SRSF11: variants seen among roughly 807,000 people sequenced by gnomAD.
The protein encoded by SRSF11 is serine and arginine rich splicing factor 11, also known as serine/arginine-rich splicing factor 11.
SRSF11 carries 9 observed loss-of-function variants against 56.0 expected under a neutral mutation model. The observed-to-expected ratio is 0.16, with a 90% CI of 0.10 to 0.28. The LOEUF is 0.28. Ranked by LOEUF, SRSF11 falls within the 10% of genes least tolerant of loss-of-function variation. The probability of loss-of-function intolerance (pLI) is 1.00; values close to 1 mark genes in which losing one functional copy is unlikely to be tolerated. For missense variants in SRSF11, 421 were observed against 600.7 expected (o/e 0.70, Z 3.13); for synonymous variants, 222 against 215.3 (o/e 1.03, Z -0.27).
rs758041838 is a variant in SRSF11 at position 70,250,778 on chromosome 1, T to C, written c.1428T>C (p.His476=). 3 of 1,613,992 alleles carry C rather than the reference T, an allele frequency of 1.9e-6. No individual in the cohort carries two copies. The highest frequency in any genetic ancestry group is 2.5e-6 in the Non-Finnish European group (3 of 1,179,934). Residue 476 remains histidine (H), a synonymous_variant, in exon 12 of 12, where the codon CAT becomes CAC. Coordinates refer to ENST00000370949, the MANE Select transcript of SRSF11 (RefSeq NM_001350605.2). ...CCAAAGTGAATGGGGATGATCATCA[T>C]GAAGAAGACATGGATATGAGTGACT... The part of the protein sequence containing the change: ...RESKVNGDDH[H]EEDMDMSD
intron 1 of SRSF11, among the ~76,000 whole-genome samples, chr1:70,227,695 T>TA (rs957092518): frequency 1.6e-4 from 25 of 152,360 alleles, no homozygotes; most frequent in South Asian, 1.0e-3. Flanking sequence ...CTGTCTTACT[T>TA]ACACTGCCAT....
chr1:70,207,143 C>T (rs1221122212), intron 1 of SRSF11, among the ~76,000 whole-genome samples: 2 of 151,930 alleles, frequency 1.3e-5, no homozygotes, highest in African/African-American at 4.8e-5. Flanking sequence ...CCGCCCAGTT[C>T]GGCCTCCCAA....
chr1:70,210,183 GT>G (rs1460686806), intron 1 of SRSF11, among the ~76,000 whole-genome samples: 1 of 151,062 alleles, frequency 6.6e-6, no homozygotes, highest in African/African-American at 2.4e-5. Context: ...CCAAGACAGA[GT>G]TTCCCTTTCT....
chr1:70,231,423 G>C (rs1187780149), intron 2 of SRSF11: 1 of 1,056,140 alleles, frequency 9.5e-7, no homozygotes, highest in Non-Finnish European at 1.1e-6. Flanking sequence ...TGAATACACA[G>C]ATTAGGCTTT....
At chr1:70,223,206 T>G (rs1428713586) in intron 1 of SRSF11, among the ~76,000 whole-genome samples, 1 of 152,206 alleles carries the variant, frequency 6.6e-6, no homozygotes, top group African/African-American at 2.4e-5. Flanking sequence ...ATTGGATGAT[T>G]TTAATAGTTT....
At chr1:70,219,540 A>G (rs1192584064), upstream of SRSF11, among the ~76,000 whole-genome samples, 1 of 152,228 alleles carries the variant, frequency 6.6e-6, no homozygotes, top group African/African-American at 2.4e-5. Flanking sequence ...GAATCCACAT[A>G]CATGGAACCC....
intron 6 of SRSF11, 46 bp downstream of exon 6, chr1:70,237,598 T>G: frequency 6.3e-7 from 1 of 1,599,276 alleles, no homozygotes; most frequent in Non-Finnish European, 8.5e-7. Context: ...TTAGCAAAAA[T>G]GATTTTGACA....
chr1:70,249,917 A>C (rs1377183551), intron 9 of SRSF11, 35 bp from the exon 10 acceptor site: 1 of 1,603,132 alleles, frequency 6.2e-7, no homozygotes, highest in African/African-American at 1.3e-5. Flanking sequence ...ATCACACTGT[A>C]TTTTAAAACC....
At position 70,221,460 on chromosome 1, in the gene SRSF11, G is replaced by A; in HGVS notation, c.-177G>A. ...CTCGCGCGCTCTCATCCCCTCCCCC[G>A]CGGCGTGCGGCGGGGCGGAGAAACG... is the stretch of plus-strand genomic sequence containing the variant. On this transcript the variant is annotated 5_prime_UTR_variant, in exon 1 of 12. Transcript: ENST00000370949. The A allele has an allele frequency of 1.3e-6, 1 of 750,796 alleles. No homozygotes were observed. The highest frequency in any genetic ancestry group is 2.0e-6 in the Non-Finnish European group (1 of 500,700). 46.5% of individuals were successfully genotyped at this position (750,796 alleles called of 1,614,324 possible). A position where few individuals can be genotyped will look rare whatever the true frequency, so the allele number is the denominator to read the frequency against.
chr1:70,221,508 C>CA lies in SRSF11; in HGVS notation c.-128dup. 1 of 1,280,822 alleles carries CA rather than the reference C, an allele frequency of 7.8e-7. No individual in the cohort carries two copies. The highest frequency in any genetic ancestry group is 1.1e-6 in the Non-Finnish European group (1 of 946,196). The allele number at this position is 1,280,822 out of a possible 1,614,324, so 79.3% of individuals were successfully genotyped here. A position where few individuals can be genotyped will look rare whatever the true frequency, so the allele number is the denominator to read the frequency against. On this transcript the variant is annotated 5_prime_UTR_variant, in exon 1 of 12. Coordinates refer to ENST00000370949, the MANE Select transcript of SRSF11 (RefSeq NM_001350605.2). ...ACGGCGGCGGCGGCGGCGGCATCGGCAGCAGTAGCAGAGGCTGTAGCATCG... is the reference window on the plus strand; with the variant it reads ...ACGGCGGCGGCGGCGGCGGCATCGGCAAGCAGTAGCAGAGGCTGTAGCATCG...
At chr1:70,224,255 A>G (rs1571672437) in intron 1 of SRSF11, among the ~76,000 whole-genome samples, 1 of 152,224 alleles carries the variant, frequency 6.6e-6, no homozygotes, top group East Asian at 1.9e-4. Flanking sequence ...AGGGAAAACT[A>G]TATGATTTCC....
At chr1:70,235,090 C>T (rs533166747) in intron 4 of SRSF11, among the ~76,000 whole-genome samples, 1 of 152,188 alleles carries the variant, frequency 6.6e-6, no homozygotes, top group Non-Finnish European at 1.5e-5. Flanking sequence ...ATTTTTCTAT[C>T]ATGGAAATTT....
chr1:70,216,389 C>G (rs890442052), upstream of SRSF11, among the ~76,000 whole-genome samples: 5 of 150,706 alleles, frequency 3.3e-5, no homozygotes, highest in Non-Finnish European at 7.4e-5. Flanking sequence ...AAATCATGCA[C>G]TTTTCTATAA....
intron 1 of SRSF11, among the ~76,000 whole-genome samples, chr1:70,209,063 A>T (rs527317087): frequency 1.3e-5 from 2 of 152,332 alleles, no homozygotes; most frequent in Admixed American, 1.3e-4. Context: ...TTCCCTCTTC[A>T]AGCTTCTTTG....
At chr1:70,248,483 T>TA (rs959425679) in intron 9 of SRSF11, 2 of 152,014 alleles carry the variant, frequency 1.3e-5, no homozygotes, top group African/African-American at 4.8e-5. Context: ...GAGTGATAAC[T>TA]AAAGGGTAGG....
chr1:70,229,866 G>A (rs1672529370), intron 2 of SRSF11: 2 of 984,778 alleles, frequency 2.0e-6, no homozygotes, highest in African/African-American at 3.5e-5. Flanking sequence ...TAAAGTGTAT[G>A]AGCCCAGTTT....
rs747577652 is a variant in SRSF11, at chr1:70,221,702, A to AGGT, written c.75_77dup (p.Gly31dup). 176 of 1,610,952 alleles carry AGGT rather than the reference A, an allele frequency of 1.1e-4. 1 individual carries two copies. The highest frequency in any genetic ancestry group is 4.2e-4 in the South Asian group (38 of 90,846). ...GCCCCAGCGGCGGGCCCGGTGGCGG[A>AGGT]GGTGGTGGTGGCGGCGGAGGCGGCG... On this transcript the variant is annotated inframe_insertion, in exon 1 of 12. Coordinates refer to ENST00000370949, the MANE Select transcript of SRSF11 (RefSeq NM_001350605.2).
At chr1:70,221,993 G>T (rs1389292924) in intron 1 of SRSF11, among the ~76,000 whole-genome samples, 154 bp downstream of exon 1, 1 of 152,022 alleles carries the variant, frequency 6.6e-6, no homozygotes, top group Non-Finnish European at 1.5e-5. Context: ...TGTGTTCCAG[G>T]CCTACAAAAA....
rs867132864 is a variant in SRSF11 at position 70,208,754 on chromosome 1, T to C, written c.-26+2974T>C. Among the ~76,000 whole-genome samples the C allele has an allele frequency of 6.6e-5, 10 of 152,306 alleles. 1 individual carries two copies. Among genetic ancestry groups the C allele is most frequent in the Middle Eastern group, 3.4e-3 (1 of 294 alleles). ...CAAATGGATGGAAACTGAAAGCTAA[T>C]CAACTTCAACTGAGCTTCTTTATGA... On this transcript the variant is annotated intron_variant, in intron 1 of 12. Transcript: ENST00000370950.
Sources: allele counts gnomAD v4.1 joint callset (sites outside exome capture counted in the v4.1 genomes callset), GRCh38; gene constraint gnomAD v4.1.1; transcripts MANE v1.5; gene names NCBI Gene and HGNC (gene_info 2026-07-23, HGNC 2026-07-21).